The following LRP6 variants were observed in gnomAD, a reference collection of about 807,000 sequenced individuals.
The protein encoded by LRP6 is LDL receptor related protein 6.
Under a neutral mutation model 184.1 loss-of-function variants are expected in LRP6, and 43 were observed. That is an observed-to-expected ratio of 0.23 (90% CI 0.18 to 0.30). The LOEUF is 0.30. Ranked by LOEUF, LRP6 falls within the 10% of genes least tolerant of loss-of-function variation. The pLI is 1.00. For missense variants in LRP6, 1,571 were observed against 2,005.3 expected, an observed-to-expected ratio of 0.78 and a Z score of 4.14; for synonymous variants, 719 against 684.9, an observed-to-expected ratio of 1.05 and a Z score of -0.78.
intron 2 of LRP6, among the ~76,000 whole-genome samples, chr12:12,230,483 A>ATT (rs1565683770): frequency 6.6e-6 from 1 of 152,194 alleles, no homozygotes. Context: ...CAGGTGACTA[A>ATT]TTAAGACATT....
intron 17 of LRP6, among the ~76,000 whole-genome samples, chr12:12,132,759 G>GTCTGA (rs533488839): frequency 6.9e-4 from 105 of 152,260 alleles, no homozygotes; most frequent in Admixed American, 3.5e-3. Context: ...CTCTTTAATA[G>GTCTGA]TCTGATCAAT....
chr12:12,251,319 T>C (rs1226617626), intron 1 of LRP6, among the ~76,000 whole-genome samples: 1 of 152,124 alleles, frequency 6.6e-6, no homozygotes, highest in East Asian at 1.9e-4. Context: ...AGATTTTAGT[T>C]TTCTCTGTTA....
chr12:12,181,558 G>C, intron 5 of LRP6, 119 bp from the exon 6 acceptor site: 1 of 703,084 alleles, frequency 1.4e-6, no homozygotes, highest in Non-Finnish European at 2.5e-6. Flanking sequence ...TAACACAAAA[G>C]GATGTGCACT....
chr12:12,140,505 T>G (rs886315014), intron 15 of LRP6, among the ~76,000 whole-genome samples: 3 of 151,984 alleles, frequency 2.0e-5, no homozygotes, highest in Admixed American at 6.6e-5. Flanking sequence ...ATTCCAGAAT[T>G]TAAGGTGTAG....
At chr12:12,212,345 T>G (rs1864232988) in intron 2 of LRP6, among the ~76,000 whole-genome samples, 1 of 152,226 alleles carries the variant, frequency 6.6e-6, no homozygotes, top group Admixed American at 6.5e-5. Flanking sequence ...AATGATTACA[T>G]TATTCTACTA....
intron 16 of LRP6, 107 bp from the exon 17 acceptor site, chr12:12,135,407 CA>C: frequency 2.9e-6 from 2 of 696,668 alleles, no homozygotes; most frequent in Non-Finnish European, 5.1e-6. Flanking sequence ...TTATGAAAAT[CA>C]AATGTATAAT....
chr12:12,180,995 G>GA (rs1236588300), intron 6 of LRP6, 48 bp downstream of exon 6: 3 of 1,607,468 alleles, frequency 1.9e-6, no homozygotes, highest in East Asian at 2.2e-5. Context: ...AGGAACCTGT[G>GA]AAAAACAGAA....
At chr12:12,238,616 G>T (rs1864981342) in intron 2 of LRP6, among the ~76,000 whole-genome samples, 4 of 151,996 alleles carry the variant, frequency 2.6e-5, no homozygotes, top group Admixed American at 2.6e-4. Flanking sequence ...CACCCTCAAA[G>T]GTCTGAGTGA....
chr12:12,213,167 G>C (rs1864253877), intron 2 of LRP6, among the ~76,000 whole-genome samples: 1 of 151,936 alleles, frequency 6.6e-6, no homozygotes, highest in Non-Finnish European at 1.5e-5. Flanking sequence ...AATCAAATGT[G>C]TGTGGAAGTA....
At chr12:12,169,026 C>T (rs752651589) in intron 7 of LRP6, among the ~76,000 whole-genome samples, 8 of 151,936 alleles carry the variant, frequency 5.3e-5, no homozygotes, top group Non-Finnish European at 1.0e-4. Context: ...GTCAGGAGTT[C>T]GAGACTAGCC....
chr12:12,125,020 C>T (rs1198756263), intron 21 of LRP6, among the ~76,000 whole-genome samples: 1 of 152,066 alleles, frequency 6.6e-6, no homozygotes, highest in Non-Finnish European at 1.5e-5. Context: ...AAAATGAAGG[C>T]CCTAATCCCT....
chr12:12,210,853 C>G (rs1053677128), intron 2 of LRP6: 1 of 152,092 alleles, frequency 6.6e-6, no homozygotes, highest in African/African-American at 2.4e-5. Flanking sequence ...GTTACTAACC[C>G]CTGAACTTGA....
At chr12:12,171,540 TAAA>T (rs1274343411) in intron 7 of LRP6, among the ~76,000 whole-genome samples, 1 of 4,976 alleles carries the variant, frequency 2.0e-4, no homozygotes, top group African/African-American at 5.5e-4. Flanking sequence ...ATAAAATAAA[TAAA>T]TAAATAAATA....
chr12:12,187,095 A>C lies in LRP6; in HGVS notation c.672T>G (p.Leu224=). The C allele has an allele frequency of 6.2e-7, 1 of 1,614,168 alleles. No individual in the cohort carries two copies. The stretch of plus-strand genomic sequence containing the variant: ...ATAACGTCAAGGCAAAAGGATGTGG[A>C]AGGGAACCTTTAACCACTGCCTGCC... ...TNRQAVVKGS[L]PHPFALTLFE... is the part of the protein sequence containing the mutation. The change falls in exon 4 of 23, where the codon CTT becomes CTG. Residue 224 remains leucine, a synonymous_variant. Coordinates refer to ENST00000261349, the MANE Select transcript of LRP6 (RefSeq NM_002336.3).
rs1949979574 is a variant in LRP6, at chr12:12,144,799, A to G, written c.3397+2567T>C. On this transcript the variant is annotated intron_variant, in intron 15 of 22. Transcript: ENST00000261349. Reference sequence around the variant, plus strand: ...GAAGCTGGAAACCATCATTCTCAGCAAACTATCACAAGGACAGAAAACCAA... The same window carrying G: ...GAAGCTGGAAACCATCATTCTCAGCGAACTATCACAAGGACAGAAAACCAA... Among the ~76,000 whole-genome samples the G allele has an allele frequency of 3.3e-5, 5 of 152,198 alleles. No homozygotes were observed. The South Asian group carries it at 1.0e-3, about 32-fold the overall frequency.
At chr12:12,151,483 A>T (rs1485226925) in intron 12 of LRP6, among the ~76,000 whole-genome samples, 2 of 151,886 alleles carry the variant, frequency 1.3e-5, no homozygotes, top group Non-Finnish European at 2.9e-5. Context: ...CTAAGGAAAA[A>T]AAAAAAAAAA....
intron 20 of LRP6, 64 bp downstream of exon 20, chr12:12,126,627 C>A: frequency 7.9e-7 from 1 of 1,262,808 alleles, no homozygotes; most frequent in Non-Finnish European, 1.2e-6. Context: ...TTCTTTTCCA[C>A]AATGGAAACT....
intron 3 of LRP6, among the ~76,000 whole-genome samples, chr12:12,194,802 T>C (rs1043560739): frequency 1.3e-5 from 2 of 152,132 alleles, no homozygotes; most frequent in Admixed American, 6.5e-5. Flanking sequence ...TACAGTGGTA[T>C]AGAATACTCA....
intron 4 of LRP6, 108 bp from the exon 5 acceptor site, chr12:12,184,219 A>C: frequency 3.3e-5 from 29 of 882,132 alleles, no homozygotes; most frequent in Non-Finnish European, 4.9e-5. Flanking sequence ...ACCAAATGTC[A>C]TGCAGGTGCT....
Sources: gnomAD v4.1 joint callset for allele counts (sites outside exome capture counted in the v4.1 genomes callset) on GRCh38, gnomAD v4.1.1 for gene constraint, MANE v1.5 for transcripts, NCBI Gene and HGNC (gene_info 2026-07-23, HGNC 2026-07-21) for gene names.